LHX8: variants seen among roughly 807,000 people sequenced by gnomAD.
LHX8 encodes the protein LIM/homeobox protein Lhx8.
Under a neutral mutation model 40.3 loss-of-function variants are expected in LHX8, and 12 were observed. The observed-to-expected ratio is 0.30, with a 90% CI of 0.19 to 0.48. LHX8 has a LOEUF of 0.48. Among genes scored for constraint, LHX8 ranks in the 20% least tolerant of loss-of-function variants. The pLI, the probability that LHX8 is intolerant of heterozygous loss-of-function variation, is 0.99. For missense variants in LHX8, 344 were observed against 433.7 expected, an observed-to-expected ratio of 0.79 and a Z score of 1.84; for synonymous variants, 179 against 162.0, an observed-to-expected ratio of 1.10 and a Z score of -0.80.
chr1:75,148,547 T>C, intron 6 of LHX8, 40 bp from the exon 7 acceptor site: 1 of 1,378,306 alleles, frequency 7.3e-7, no homozygotes, highest in Non-Finnish European at 1.0e-6. Context: ...CTGAGCTGCT[T>C]GTTTTTAGCT....
At chr1:75,159,258 C>A (rs1426929551) in intron 8 of LHX8, 1 of 152,124 alleles carries the variant, frequency 6.6e-6, no homozygotes, top group African/African-American at 2.4e-5. Context: ...AGCTATTGAC[C>A]TTCTTGCTCC....
intron 3 of LHX8, among the ~76,000 whole-genome samples, chr1:75,137,679 G>T (rs1310633144): frequency 6.6e-6 from 1 of 152,218 alleles, no homozygotes; most frequent in African/African-American, 2.4e-5. Flanking sequence ...CTCCACCCCA[G>T]TGACGCCCAC....
chr1:75,179,537 C>G, the LHX8 span, among the ~76,000 whole-genome samples: 1 of 104,730 alleles, frequency 9.5e-6, no homozygotes, highest in South Asian at 3.3e-4. Context: ...TTTCCATTTG[C>G]TTGGTAGATC....
chr1:75,156,848 C>G, intron 7 of LHX8, 45 bp from the exon 8 acceptor site: 1 of 1,565,174 alleles, frequency 6.4e-7, no homozygotes, highest in African/African-American at 1.3e-5. Flanking sequence ...TGCTCAGAAG[C>G]TGGTGTGTAA....
At chr1:75,154,162 A>G (rs1298033267) in intron 7 of LHX8, among the ~76,000 whole-genome samples, 1 of 152,152 alleles carries the variant, frequency 6.6e-6, no homozygotes, top group Non-Finnish European at 1.5e-5. Context: ...AGTCAAAAGG[A>G]CTTATACTTG....
chr1:75,149,635 C>A (rs773525157), intron 7 of LHX8, among the ~76,000 whole-genome samples: 26 of 152,196 alleles, frequency 1.7e-4, no homozygotes, highest in Admixed American at 1.6e-3. Context: ...ACTGCAGCGA[C>A]CTCCAGGTCT....
the LHX8 span, among the ~76,000 whole-genome samples, chr1:75,177,554 T>C: frequency 6.6e-6 from 1 of 152,254 alleles, no homozygotes; most frequent in East Asian, 1.9e-4. Flanking sequence ...AAGTTGCTTA[T>C]CAGCTTAAGG....
At chr1:75,197,540 G>A in the LHX8 span, among the ~76,000 whole-genome samples, 4 of 152,166 alleles carry the variant, frequency 2.6e-5, no homozygotes, top group Non-Finnish European at 4.4e-5. Flanking sequence ...TAAATAACAT[G>A]ATATAAAATG....
At chr1:75,188,581 C>T in the LHX8 span, among the ~76,000 whole-genome samples, 9 of 152,172 alleles carry the variant, frequency 5.9e-5, no homozygotes, top group Non-Finnish European at 1.0e-4. Context: ...GTCCTCCATA[C>T]GTCTTCTTTT....
chr1:75,143,989 C>A, intron 6 of LHX8, 41 bp downstream of exon 6: 1 of 1,538,178 alleles, frequency 6.5e-7, no homozygotes, highest in South Asian at 1.1e-5. Flanking sequence ...AAGCCCCTCC[C>A]AACCAAAAAA....
chr1:75,160,692 G>A, intron 8 of LHX8, 127 bp from the exon 9 acceptor site: 1 of 735,858 alleles, frequency 1.4e-6, no homozygotes, highest in Non-Finnish European at 2.5e-6. Flanking sequence ...TCAGTGGAAT[G>A]AGTGTAGCTT....
At chr1:75,148,564 T>C (rs777369324) in intron 6 of LHX8, 23 bp from the exon 7 acceptor site, 4 of 1,550,130 alleles carry the variant, frequency 2.6e-6, no homozygotes, top group Non-Finnish European at 3.6e-6. Context: ...AGCTATTTAC[T>C]ACATACATGT....
At chr1:75,150,150 G>T (rs535793209) in intron 7 of LHX8, among the ~76,000 whole-genome samples, 1 of 152,156 alleles carries the variant, frequency 6.6e-6, no homozygotes, top group East Asian at 1.9e-4. Context: ...AGGTGGGAGG[G>T]TCACCTAAGT....
At chr1:75,170,856 G>GT in the LHX8 span, among the ~76,000 whole-genome samples, 1 of 152,292 alleles carries the variant, frequency 6.6e-6, no homozygotes, top group South Asian at 2.1e-4. Context: ...TTAATCTACT[G>GT]TTTATTTTTC....
chr1:75,193,162 A>G, the LHX8 span, among the ~76,000 whole-genome samples: 1 of 152,174 alleles, frequency 6.6e-6, no homozygotes, highest in African/African-American at 2.4e-5. Flanking sequence ...TCACCTTTCT[A>G]TCATCCCATG....
At chr1:75,171,066 G>A in the LHX8 span, among the ~76,000 whole-genome samples, 1 of 152,120 alleles carries the variant, frequency 6.6e-6, no homozygotes, top group African/African-American at 2.4e-5. Context: ...AGTGAAAGTT[G>A]AGAATGAGGG....
intron 1 of LHX8, 24 bp from the exon 2 acceptor site, chr1:75,136,579 C>G: frequency 2.0e-6 from 3 of 1,511,256 alleles, no homozygotes; most frequent in Non-Finnish European, 2.7e-6. Flanking sequence ...TTTCTCCATA[C>G]TTTCTCCCCC....
Position 75,137,080 on chromosome 1 carries a change from C to A in LHX8, c.76-20C>A. 4 of 1,592,670 alleles carry A rather than the reference C, an allele frequency of 2.5e-6. No individual in the cohort carries two copies. Among genetic ancestry groups the A allele is most frequent in the Non-Finnish European group, 3.4e-6 (4 of 1,167,328 alleles). On this transcript the variant is annotated intron_variant, in intron 2 of 8. Coordinates refer to ENST00000356261, the MANE Select transcript of LHX8 (RefSeq NM_001256114.2). ...GGGAGGAGGGGTCTAGAACCGCCTG[C>A]GCCTCGCGGTTTCCTGCAGGTGAGC...
chr1:75,159,257 C>T (rs547179546), intron 8 of LHX8: 78 of 152,200 alleles, frequency 5.1e-4, no homozygotes, highest in African/African-American at 1.9e-3. Flanking sequence ...CAGCTATTGA[C>T]CTTCTTGCTC....
Sources: gnomAD v4.1 joint callset for allele counts (sites outside exome capture counted in the v4.1 genomes callset) on GRCh38, gnomAD v4.1.1 for gene constraint, MANE v1.5 for transcripts, NCBI Gene and HGNC (gene_info 2026-07-23, HGNC 2026-07-21) for gene names.